Variants in PTPRG observed in about 807,000 individuals in gnomAD.
PTPRG encodes the protein receptor-type tyrosine-protein phosphatase gamma.
Under a neutral mutation model 165.3 loss-of-function variants are expected in PTPRG, and 102 were observed. That is an observed-to-expected ratio of 0.62 (90% CI 0.53 to 0.73). PTPRG has a LOEUF of 0.73. PTPRG is among the 30% of genes least tolerant of loss of function. The probability of loss-of-function intolerance (pLI) is 0.00; values close to 1 mark genes in which losing one functional copy is unlikely to be tolerated. For synonymous variants in PTPRG, 675 were observed against 669.5 expected (o/e 1.01, Z -0.13); for missense variants, 1,866 against 1,861.4 (o/e 1.00, Z -0.05).
At chr3:62,264,922 G>A (rs943096488) in intron 17 of PTPRG, among the ~76,000 whole-genome samples, 7 of 151,014 alleles carry the variant, frequency 4.6e-5, no homozygotes, top group African/African-American at 1.7e-4. Flanking sequence ...ATATATAAAG[G>A]GTCCAGTGTT....
intron 2 of PTPRG, among the ~76,000 whole-genome samples, chr3:61,910,856 A>G (rs1298168043): frequency 6.6e-6 from 1 of 152,170 alleles, no homozygotes. Context: ...TTCCCTTGGC[A>G]CTTAGGTGGA....
chr3:61,805,957 C>T (rs1305393251), intron 2 of PTPRG, among the ~76,000 whole-genome samples: 1 of 152,032 alleles, frequency 6.6e-6, no homozygotes, highest in African/African-American at 2.4e-5. Context: ...ATTAAGCTCT[C>T]GATCATATTC....
chr3:61,643,277 AAGAG>A (rs35814794), intron 1 of PTPRG, among the ~76,000 whole-genome samples: 1 of 149,742 alleles, frequency 6.7e-6, no homozygotes, highest in Non-Finnish European at 1.5e-5. Flanking sequence ...GAGAGAGAGA[AAGAG>A]AGAGAGAGAG....
intron 6 of PTPRG, among the ~76,000 whole-genome samples, chr3:62,148,844 G>A (rs1209823967): frequency 6.6e-6 from 1 of 152,158 alleles, no homozygotes; most frequent in Non-Finnish European, 1.5e-5. Flanking sequence ...TCCTGCAGAT[G>A]AGGACCCCAG....
chr3:62,098,615 T>C (rs775490352), intron 5 of PTPRG, among the ~76,000 whole-genome samples: 28 of 152,180 alleles, frequency 1.8e-4, no homozygotes, highest in Non-Finnish European at 3.8e-4. Flanking sequence ...TTGCCCAAGG[T>C]CACATGGCTG....
rs1429492624 is a variant in PTPRG, at chr3:62,240,296, C to T, written c.2376-3511C>T. ...GTTGCAGTGAGCTGAGATCGTGCCA[C>T]TGCACTCCAGCCTGGATGACAGAGC... On this transcript the variant is annotated intron_variant, in intron 14 of 29. Transcript: ENST00000474889. The surrounding 1 kb of genome is among the most constrained non-coding windows in gnomAD (Gnocchi z 5.1). 6.6e-6 allele frequency among the ~76,000 whole-genome samples: 1 copy of T among 152,112 alleles called. No homozygotes were observed. The highest frequency in any genetic ancestry group is 2.4e-5 in the African/African-American group (1 of 41,396).
chr3:62,110,059 G>A (rs552814038), intron 5 of PTPRG, among the ~76,000 whole-genome samples: 42 of 137,288 alleles, frequency 3.1e-4, no homozygotes, highest in African/African-American at 1.0e-3. Context: ...TCCTTGTTCA[G>A]TAGCTCTCTC....
At position 61,809,866 on chromosome 3, in the gene PTPRG, C is replaced by T. The variant is rs112902452; in HGVS notation, c.190+60884C>T. Among the ~76,000 whole-genome samples the T allele has an allele frequency of 6.3e-4, 96 of 152,294 alleles. 1 individual carries two copies. The highest frequency in any genetic ancestry group is 2.2e-3 in the African/African-American group (92 of 41,564). On this transcript the variant is annotated intron_variant, in intron 2 of 29. Coordinates refer to ENST00000474889, the MANE Select transcript of PTPRG (RefSeq NM_002841.4). ...CACAGCTATTGAAGCTCTGTGCTCT[C>T]TTGATTTCAAGGTGATTAAGCAGAA...
chr3:62,010,657 A>G (rs764394788), intron 4 of PTPRG, among the ~76,000 whole-genome samples: 2 of 152,180 alleles, frequency 1.3e-5, no homozygotes, highest in Non-Finnish European at 2.9e-5. Context: ...CTCTAATAAA[A>G]TAAAATAAAA....
intron 1 of PTPRG, among the ~76,000 whole-genome samples, chr3:61,677,057 C>G (rs1319333174): frequency 6.6e-6 from 1 of 151,858 alleles, no homozygotes; most frequent in Admixed American, 6.6e-5. Flanking sequence ...CCAACCTGGC[C>G]AATATGGTGA....
At chr3:61,903,705 C>T (rs1355634235) in intron 2 of PTPRG, among the ~76,000 whole-genome samples, 1 of 152,144 alleles carries the variant, frequency 6.6e-6, no homozygotes, top group African/African-American at 2.4e-5. Context: ...AGGAAGCCCA[C>T]TTAACAGTAA....
At chr3:61,842,180 C>G (rs573109940) in intron 2 of PTPRG, among the ~76,000 whole-genome samples, 1 of 152,306 alleles carries the variant, frequency 6.6e-6, no homozygotes, top group Admixed American at 6.5e-5. Context: ...ATGTTTAGTT[C>G]AGAACAGCCA....
intron 1 of PTPRG, among the ~76,000 whole-genome samples, chr3:61,583,446 G>A (rs1276466307): frequency 6.6e-6 from 1 of 152,202 alleles, no homozygotes; most frequent in Non-Finnish European, 1.5e-5. Flanking sequence ...AGAGCTGATG[G>A]AAGAATTGGA....
In PTPRG at chr3:62,273,758, G is replaced by T; in HGVS notation, c.3379G>T (p.Val1127Leu). ...LEAILGKETE[V>L]SSNQLHSYVN... ...AGCCATTCTTGGAAAGGAGACTGAA[G>T]TATCTTCAAATCAGCTGCACAGCTA... The change falls in exon 23 of 30, where the codon GTA (valine) becomes TTA (leucine). Residue 1127 changes from valine (V) to leucine (L), a missense_variant. Val to Leu is a conservative substitution (Grantham distance 32, BLOSUM62 1). This residue lies in a region of PTPRG where 1,452 missense variants were observed against 1,463.0 expected (regional missense o/e 0.99). Coordinates refer to ENST00000474889, the MANE Select transcript of PTPRG (RefSeq NM_002841.4). The surrounding 1 kb of genome is among the most constrained non-coding windows in gnomAD (Gnocchi z 4.1). 1 of 1,613,680 alleles carries T rather than the reference G, an allele frequency of 6.2e-7. No homozygotes were observed. The highest frequency in any genetic ancestry group is 1.7e-5 in the Admixed American group (1 of 60,006).
At chr3:61,644,815 C>T (rs1702158567) in intron 1 of PTPRG, among the ~76,000 whole-genome samples, 1 of 152,142 alleles carries the variant, frequency 6.6e-6, no homozygotes, top group Non-Finnish European at 1.5e-5. Context: ...TGCTTGTAAG[C>T]TTTAGATTGC....
In PTPRG at chr3:62,032,537, A is replaced by AT. The variant is rs112342562; in HGVS notation, c.519+29051dup. ...CTGGATTTTGTTGAAGAGCATTCCC[A>AT]TTTTTTTTTTTAGAAAAGTATTGAA... On this transcript the variant is annotated intron_variant, in intron 4 of 29. Transcript: ENST00000474889. 5.0e-4 allele frequency among the ~76,000 whole-genome samples: 74 copies of AT among 148,168 alleles called. 1 individual carries two copies. The highest frequency in any genetic ancestry group is 2.2e-3 in the East Asian group (11 of 5,072).
intron 4 of PTPRG, among the ~76,000 whole-genome samples, chr3:62,049,999 A>C (rs1028641864): frequency 1.3e-5 from 2 of 152,240 alleles, no homozygotes; most frequent in Non-Finnish European, 2.9e-5. Flanking sequence ...CTACCAGTGG[A>C]CTGGAAAATC....
intron 8 of PTPRG, among the ~76,000 whole-genome samples, chr3:62,174,246 T>C (rs1705329259): frequency 6.6e-6 from 1 of 152,322 alleles, no homozygotes; most frequent in Non-Finnish European, 1.5e-5. Flanking sequence ...ATGAAACATA[T>C]GGTTTATTAA....
chr3:62,181,244 T>C (rs1705635673), intron 8 of PTPRG, among the ~76,000 whole-genome samples: 1 of 152,196 alleles, frequency 6.6e-6, no homozygotes, highest in Non-Finnish European at 1.5e-5. Context: ...GGTGGCGGGC[T>C]AGCCAGCAAA....
Sources: allele counts gnomAD v4.1 joint callset (sites outside exome capture counted in the v4.1 genomes callset), GRCh38; gene constraint gnomAD v4.1.1; regional missense constraint gnomAD v4.1.1; non-coding constraint Gnocchi (gnomAD v3.1); transcripts MANE v1.5; gene names NCBI Gene and HGNC (gene_info 2026-07-23, HGNC 2026-07-21).